Variants in PSD3 observed in about 807,000 individuals in gnomAD.
The protein encoded by PSD3 is PH and SEC7 domain-containing protein 3.
In PSD3, 49 loss-of-function variants were observed where a neutral mutation model predicts 105.5. The ratio of observed to expected loss-of-function variants is 0.46; its 90% CI spans 0.37 to 0.59. The LOEUF (loss-of-function observed/expected upper bound fraction) is 0.59. Among genes scored for constraint, PSD3 ranks in the 20% least tolerant of loss-of-function variants. PSD3 has a pLI of 0.00. For synonymous variants in PSD3, 557 were observed against 457.8 expected (o/e 1.22, Z -2.77); for missense variants, 1,561 against 1,263.8 (o/e 1.24, Z -3.57).
chr8:18,579,137 G>A (rs1372562282), intron 12 of PSD3, among the ~76,000 whole-genome samples: 1 of 79,324 alleles, frequency 1.3e-5, no homozygotes, highest in African/African-American at 5.0e-5. Flanking sequence ...CACACACAAA[G>A]GGCAAAACCA....
chr8:18,950,290 T>C (rs917388508), intron 1 of PSD3, among the ~76,000 whole-genome samples: 15 of 152,312 alleles, frequency 9.8e-5, no homozygotes, highest in African/African-American at 3.1e-4. Context: ...ATTTTATTAG[T>C]TTTTTTGAGG....
chr8:19,051,665 T>C (rs947247760), intron 1 of PSD3, among the ~76,000 whole-genome samples: 3 of 152,210 alleles, frequency 2.0e-5, no homozygotes, highest in Non-Finnish European at 4.4e-5. Context: ...TGCAGAACGA[T>C]TTGTCATTGT....
At chr8:18,643,343 T>C (rs1019845370) in intron 10 of PSD3, among the ~76,000 whole-genome samples, 8 of 152,166 alleles carry the variant, frequency 5.3e-5, no homozygotes, top group African/African-American at 1.7e-4. Flanking sequence ...ATTCAAACCA[T>C]AGTATTCTGT....
At position 18,960,478 on chromosome 8, in the gene PSD3, A is replaced by T. The variant is rs111515046; in HGVS notation, c.22-24336T>A. 1.5e-3 allele frequency among the ~76,000 whole-genome samples: 231 copies of T among 152,320 alleles called. 1 individual carries two copies. The highest frequency in any genetic ancestry group is 2.2e-3 in the Non-Finnish European group (153 of 68,028). On this transcript the variant is annotated intron_variant, in intron 1 of 15. Coordinates refer to ENST00000327040, the MANE Select transcript of PSD3 (RefSeq NM_015310.4). ...AAGCAGAAACCATAAAATAATAGAA[A>T]GCTGTCCAACAAAAAACTGAATAAA...
At chr8:18,578,920 G>A (rs570568243) in intron 12 of PSD3, among the ~76,000 whole-genome samples, 1 of 152,074 alleles carries the variant, frequency 6.6e-6, no homozygotes, top group South Asian at 2.1e-4. Context: ...CGGCATCAGT[G>A]GAAGACAGGA....
intron 9 of PSD3, among the ~76,000 whole-genome samples, chr8:18,740,310 C>G (rs1241236361): frequency 1.3e-5 from 2 of 152,188 alleles, no homozygotes; most frequent in Non-Finnish European, 2.9e-5. Flanking sequence ...AACCTACTCT[C>G]TCTCTCCTCG....
chr8:18,696,963 G>A (rs940226775), intron 9 of PSD3, among the ~76,000 whole-genome samples: 6 of 152,064 alleles, frequency 3.9e-5, no homozygotes, highest in African/African-American at 9.7e-5. Flanking sequence ...GGCCAGGCAC[G>A]TTGGCTCATG....
At chr8:18,984,362 T>C (rs1825393334) in intron 1 of PSD3, among the ~76,000 whole-genome samples, 1 of 152,108 alleles carries the variant, frequency 6.6e-6, no homozygotes, top group African/African-American at 2.4e-5. Flanking sequence ...AAAATGATCC[T>C]AACATAATGT....
At chr8:19,075,401 C>A (rs1220261583) in intron 1 of PSD3, among the ~76,000 whole-genome samples, 1 of 152,224 alleles carries the variant, frequency 6.6e-6, no homozygotes, top group Non-Finnish European at 1.5e-5. Flanking sequence ...CTGCACCCAG[C>A]CTATAAACCT....
At chr8:18,745,882 A>G (rs903037595) in intron 9 of PSD3, among the ~76,000 whole-genome samples, 2 of 152,222 alleles carry the variant, frequency 1.3e-5, no homozygotes, top group African/African-American at 4.8e-5. Context: ...TCTCCCATAG[A>G]GAGAAAACTG....
At chr8:18,875,618 G>C (rs1298173391) in intron 2 of PSD3, among the ~76,000 whole-genome samples, 1 of 151,676 alleles carries the variant, frequency 6.6e-6, no homozygotes, top group African/African-American at 2.4e-5. Context: ...CTCACTGCAA[G>C]CTCCGCCTCC....
chr8:18,875,754 G>A (rs1817694276), intron 2 of PSD3, among the ~76,000 whole-genome samples: 1 of 152,020 alleles, frequency 6.6e-6, no homozygotes, highest in Admixed American at 6.6e-5. Flanking sequence ...AGCCAGGATG[G>A]TCTCGATCTC....
At chr8:18,781,049 T>C (rs1428561069) in intron 8 of PSD3, among the ~76,000 whole-genome samples, 1 of 152,154 alleles carries the variant, frequency 6.6e-6, no homozygotes, top group African/African-American at 2.4e-5. Context: ...CTGACAGTTG[T>C]GTTTTTTTGT....
chr8:18,543,785 A>G (rs987248870), intron 15 of PSD3, among the ~76,000 whole-genome samples: 3 of 152,194 alleles, frequency 2.0e-5, no homozygotes, highest in African/African-American at 7.2e-5. Context: ...GAAAAAAATT[A>G]CAACTATTGA....
chr8:18,685,001 A>T (rs1249128586), intron 9 of PSD3, among the ~76,000 whole-genome samples: 1 of 152,202 alleles, frequency 6.6e-6, no homozygotes, highest in African/African-American at 2.4e-5. Context: ...CATCCCAGGG[A>T]CAGAGGCTCA....
intron 2 of PSD3, among the ~76,000 whole-genome samples, chr8:18,921,713 G>A (rs1322052626): frequency 6.6e-6 from 1 of 152,152 alleles, no homozygotes; most frequent in African/African-American, 2.4e-5. Context: ...ACTCACAACT[G>A]GAACACATGG....
intron 1 of PSD3, among the ~76,000 whole-genome samples, chr8:18,962,502 G>GA (rs959645845): frequency 3.3e-5 from 5 of 151,726 alleles, no homozygotes; most frequent in Non-Finnish European, 5.9e-5. Flanking sequence ...TAATATTTTG[G>GA]AAAAAAAATG....
chr8:18,822,736 G>A (rs1051105182), intron 4 of PSD3, among the ~76,000 whole-genome samples: 44 of 152,184 alleles, frequency 2.9e-4, no homozygotes, highest in Non-Finnish European at 5.9e-4. Flanking sequence ...GACTTTCAGA[G>A]AACACTGACA....
chr8:18,576,182 G>A (rs905106600), intron 12 of PSD3, among the ~76,000 whole-genome samples: 1 of 152,058 alleles, frequency 6.6e-6, no homozygotes, highest in African/African-American at 2.4e-5. Context: ...AAACCAAGCA[G>A]TTCAAATGTA....
Sources: allele counts gnomAD v4.1 joint callset (sites outside exome capture counted in the v4.1 genomes callset), GRCh38; gene constraint gnomAD v4.1.1; transcripts MANE v1.5; gene names NCBI Gene and HGNC (gene_info 2026-07-23, HGNC 2026-07-21).